FSTL5: variants seen among roughly 807,000 people sequenced by gnomAD.
The protein encoded by FSTL5 is follistatin like 5.
FSTL5 carries 62 observed loss-of-function variants against 89.1 expected under a neutral mutation model. The ratio of observed to expected loss-of-function variants is 0.70; its 90% confidence interval spans 0.57 to 0.86. FSTL5 has a LOEUF of 0.86. Among genes scored for constraint, FSTL5 ranks in the 40% least tolerant of loss-of-function variants. FSTL5 has a pLI of 0.00. For missense variants in FSTL5, 1,057 were observed against 1,001.6 expected (o/e 1.06, Z -0.75); for synonymous variants, 383 against 346.2 (o/e 1.11, Z -1.18).
At chr4:162,041,758 A>G (rs538981601) in intron 2 of FSTL5, 16 of 152,312 alleles carry the variant, frequency 1.1e-4, no homozygotes, top group Admixed American at 5.2e-4. Flanking sequence ...TTGACAAAAA[A>G]AAAATCAAAC....
intron 2 of FSTL5, among the ~76,000 whole-genome samples, chr4:162,042,359 T>C (rs1205741450): frequency 6.6e-6 from 1 of 152,030 alleles, no homozygotes; most frequent in African/African-American, 2.4e-5. Flanking sequence ...ATAAACTCAA[T>C]CAAAACATGC....
At chr4:161,643,220 C>G (rs1736029728) in intron 7 of FSTL5, among the ~76,000 whole-genome samples, 1 of 152,116 alleles carries the variant, frequency 6.6e-6, no homozygotes, top group African/African-American at 2.4e-5. Flanking sequence ...CATTCTTGTT[C>G]CACTATCTTA....
chr4:161,973,621 A>T (rs192453170), intron 3 of FSTL5, among the ~76,000 whole-genome samples: 5 of 152,216 alleles, frequency 3.3e-5, no homozygotes, highest in Admixed American at 6.5e-5. Context: ...AGTGTTTTTT[A>T]AAATGTTCAA....
chr4:161,763,853 G>T (rs75786463), intron 5 of FSTL5, among the ~76,000 whole-genome samples: 1 of 152,106 alleles, frequency 6.6e-6, no homozygotes, highest in Admixed American at 6.6e-5. Flanking sequence ...TGAGAAGAAT[G>T]TACATTTCCG....
chr4:161,565,782 C>CACACACACACAT (rs1180752677), intron 8 of FSTL5, among the ~76,000 whole-genome samples: 6 of 145,058 alleles, frequency 4.1e-5, no homozygotes, highest in African/African-American at 1.0e-4. Context: ...CACACACACA[C>CACACACACACAT]ATATATATGA....
intron 6 of FSTL5, among the ~76,000 whole-genome samples, chr4:161,697,417 T>C (rs2126726403): frequency 6.6e-6 from 1 of 152,302 alleles, no homozygotes; most frequent in African/African-American, 2.4e-5. Flanking sequence ...GACATTTTAG[T>C]GGGCATTTAT....
At chr4:162,073,339 G>T (rs1729705011) in intron 2 of FSTL5, among the ~76,000 whole-genome samples, 1 of 151,400 alleles carries the variant, frequency 6.6e-6, no homozygotes, top group Non-Finnish European at 1.5e-5. Flanking sequence ...GACTAGTTTA[G>T]GAAACATCTG....
intron 2 of FSTL5, among the ~76,000 whole-genome samples, chr4:162,066,768 T>A (rs749905133): frequency 6.6e-6 from 1 of 152,174 alleles, no homozygotes; most frequent in Non-Finnish European, 1.5e-5. Flanking sequence ...GAACTAATTC[T>A]ATTTTATGGC....
intron 3 of FSTL5, among the ~76,000 whole-genome samples, chr4:161,975,942 C>T (rs1735630173): frequency 6.8e-6 from 1 of 147,600 alleles, no homozygotes; most frequent in African/African-American, 2.5e-5. Context: ...CATGAAACCC[C>T]GTCTCTACTA....
chr4:161,610,933 C>A (rs913366780), intron 7 of FSTL5, among the ~76,000 whole-genome samples: 1 of 151,136 alleles, frequency 6.6e-6, no homozygotes, highest in Non-Finnish European at 1.5e-5. Context: ...TTTCACAGAC[C>A]TTTTCTCATT....
At chr4:161,945,379 G>A (rs1273375834) in intron 3 of FSTL5, among the ~76,000 whole-genome samples, 1 of 152,150 alleles carries the variant, frequency 6.6e-6, no homozygotes, top group East Asian at 1.9e-4. Flanking sequence ...GATTTGACAT[G>A]TTATCATAGA....
chr4:161,799,757 A>G (rs1729740289), intron 4 of FSTL5, among the ~76,000 whole-genome samples: 1 of 151,690 alleles, frequency 6.6e-6, no homozygotes, highest in Admixed American at 6.6e-5. Context: ...AACTATGACA[A>G]TAGGTTGTTG....
intron 13 of FSTL5, among the ~76,000 whole-genome samples, chr4:161,473,789 G>T (rs756675236): frequency 6.6e-6 from 1 of 152,016 alleles, no homozygotes; most frequent in Non-Finnish European, 1.5e-5. Context: ...CTCCGTTTTG[G>T]TTACTCAGTG....
chr4:161,538,171 T>C lies in FSTL5; in HGVS notation c.1307A>G (p.Lys436Arg), dbSNP rs762013737. 2 of 1,613,992 alleles carry C rather than the reference T, an allele frequency of 1.2e-6. No homozygotes were observed. The highest frequency in any genetic ancestry group is 2.2e-5 in the South Asian group (2 of 91,086). Residue 436 changes from lysine to arginine, a missense_variant, in exon 10 of 16, where the codon AAG becomes AGG. This residue lies in a region of FSTL5 where 980 missense variants were observed against 903.2 expected (regional missense o/e 1.08). Coordinates refer to ENST00000306100, the MANE Select transcript of FSTL5 (RefSeq NM_020116.5). ...SSLFVEDSAR[K>R]TLANILWREE... is the part of the protein sequence containing the mutation. Reference sequence around the variant, plus strand: ...TTGGGTGGTTCTATACATACGGGTCTTTCTAGCAGAGTCTTCCACAAAAAG... The same window carrying C: ...TTGGGTGGTTCTATACATACGGGTCCTTCTAGCAGAGTCTTCCACAAAAAG...
At chr4:161,769,203 T>A (rs1478393563) in intron 5 of FSTL5, among the ~76,000 whole-genome samples, 1 of 151,888 alleles carries the variant, frequency 6.6e-6, no homozygotes, top group East Asian at 1.9e-4. Flanking sequence ...TAATAAAAAT[T>A]CCTTCAGCAA....
At chr4:161,475,955 G>A (rs62324264) in intron 13 of FSTL5, among the ~76,000 whole-genome samples, 10,425 of 151,752 alleles carry the variant, frequency 0.069, 474 homozygotes, top group Middle Eastern at 0.11. Flanking sequence ...GGGTTCCACC[G>A]TGTTAGCGAG....
At chr4:162,035,250 C>T (rs925477816) in intron 2 of FSTL5, 1 of 151,902 alleles carries the variant, frequency 6.6e-6, no homozygotes, top group Non-Finnish European at 1.5e-5. Flanking sequence ...ATGAACAAAA[C>T]AGAAAAAAAT....
intron 3 of FSTL5, among the ~76,000 whole-genome samples, chr4:162,025,877 T>C (rs1432087086): frequency 6.6e-6 from 1 of 152,030 alleles, no homozygotes; most frequent in Non-Finnish European, 1.5e-5. Flanking sequence ...CTTTTTTATA[T>C]GAAATTTTTA....
chr4:161,647,146 GTATT>G (rs776525541), intron 7 of FSTL5, among the ~76,000 whole-genome samples: 3 of 152,084 alleles, frequency 2.0e-5, no homozygotes, highest in Admixed American at 6.6e-5. Context: ...CTTTATTTAA[GTATT>G]TATTTCATTT....
Sources: allele counts gnomAD v4.1 joint callset (sites outside exome capture counted in the v4.1 genomes callset), GRCh38; gene constraint gnomAD v4.1.1; regional missense constraint gnomAD v4.1.1; transcripts MANE v1.5; gene names NCBI Gene and HGNC (gene_info 2026-07-23, HGNC 2026-07-21).